The following PSMC3IP variants were observed in gnomAD, a reference collection of about 807,000 sequenced individuals.
PSMC3IP encodes the protein homologous-pairing protein 2 homolog.
A neutral mutation model predicts 34.9 loss-of-function variants in PSMC3IP; 26 were observed. The ratio of observed to expected loss-of-function variants is 0.74; its 90% CI spans 0.55 to 1.03. The LOEUF is 1.03. Among genes scored for constraint, PSMC3IP ranks in the 50% least tolerant of loss-of-function variants. The pLI, the probability that PSMC3IP is intolerant of heterozygous loss-of-function variation, is 0.00. For synonymous variants in PSMC3IP, 87 were observed against 96.5 expected, an observed-to-expected ratio of 0.90 and a Z score of 0.57; for missense variants, 250 against 263.1, an observed-to-expected ratio of 0.95 and a Z score of 0.34.
chr17:42,573,304 C>A lies in PSMC3IP; in HGVS notation c.537+7G>T, dbSNP rs771337740. On this transcript the variant is annotated splice_region_variant and intron_variant, in intron 6 of 7. Transcript: ENST00000393795. ...CAGGGCCTGTCTCGGAGCTCCCACA[C>A]ACTTACCATCCTCTTCCTCTTCCTC... 2 of 1,614,154 alleles carry A rather than the reference C, an allele frequency of 1.2e-6. No homozygotes were observed. Among genetic ancestry groups the A allele is most frequent in the Non-Finnish European group, 1.7e-6 (2 of 1,180,032 alleles).
chr17:42,576,747 T>C, intron 3 of PSMC3IP: 1 of 232,722 alleles, frequency 4.3e-6, no homozygotes, highest in Non-Finnish European at 8.7e-6. Flanking sequence ...GTAATTCCAT[T>C]AGGGGAGGAG....
intron 4 of PSMC3IP, chr17:42,573,841 A>G (rs1222882460): frequency 2.0e-6 from 3 of 1,531,330 alleles, no homozygotes; most frequent in East Asian, 2.4e-5. Context: ...GTAGCCAGTT[A>G]AAGAAGCAGG....
In PSMC3IP at chr17:42,573,503, T is replaced by C; in HGVS notation, c.458A>G (p.His153Arg). ...CTGCTCTTTCTCTTCTGGAGTCACA[T>C]GATTGGTAGCTGCTTTAATGTTCTT... The part of the protein sequence containing the change: ...RLKNIKAATN[H>R]VTPEEKEQVY... Residue 153 changes from histidine (H) to arginine (R), a missense_variant, in exon 5 of 8, where the codon CAT (histidine) becomes CGT (arginine). Transcript: ENST00000393795. The C allele has an allele frequency of 6.2e-7, 1 of 1,614,238 alleles. No homozygotes were observed. The highest frequency in any genetic ancestry group is 8.5e-7 in the Non-Finnish European group (1 of 1,180,036).
chr17:42,574,049 TA>T (rs2093056210), intron 4 of PSMC3IP, 49 bp downstream of exon 4: 1 of 1,609,402 alleles, frequency 6.2e-7, no homozygotes, highest in Non-Finnish European at 8.5e-7. Context: ...TCCTGACCTC[TA>T]GAATGAACCT....
intron 3 of PSMC3IP, 151 bp downstream of exon 3, chr17:42,577,062 A>G: frequency 1.3e-6 from 2 of 1,522,040 alleles, no homozygotes; most frequent in South Asian, 2.4e-5. Context: ...TTGGGATCCT[A>G]ACAAGAGGAG....
chr17:42,574,334 T>C (rs967511357), intron 3 of PSMC3IP, 124 bp from the exon 4 acceptor site: 1 of 1,527,304 alleles, frequency 6.5e-7, no homozygotes, highest in Non-Finnish European at 8.8e-7. Flanking sequence ...CTCCAGAGGG[T>C]CTGCAGAAAT....
At position 42,577,298 on chromosome 17, in the gene PSMC3IP, A is replaced by AC; in HGVS notation, c.139dup (p.Val47GlyfsTer33). On this transcript the variant is annotated frameshift_variant, in exon 3 of 8. Transcript: ENST00000393795. LOFTEE classifies it high-confidence loss of function. The stretch of plus-strand genomic sequence containing the variant: ...CGCCAGCTGCTCCAGCGTCTTCACC[A>AC]CCACCTGGCAGAGGAGAGAGAAGGA... 6.2e-7 allele frequency: 1 copy of AC among 1,613,952 alleles called. No homozygotes were observed. Among genetic ancestry groups the AC allele is most frequent in the Non-Finnish European group, 8.5e-7 (1 of 1,179,952 alleles).
intron 3 of PSMC3IP, among the ~76,000 whole-genome samples, chr17:42,575,853 CAAA>C (rs971478774): frequency 4.0e-5 from 4 of 100,470 alleles, no homozygotes; most frequent in African/African-American, 3.7e-5. Flanking sequence ...CTAAAAATAC[CAAA>C]AAAAAAAAAA....
At position 42,573,553 on chromosome 17, in the gene PSMC3IP, T is replaced by C. The variant is rs1192612281; in HGVS notation, c.408A>G (p.Glu136=). The part of the protein sequence containing the change: ...MQKEIQELKK[E]CAGYRERLKN... ...TCAATCTCTCTCTGTAGCCAGCGCA[T>C]TCCTTCTTTAACTCCTGGATTTCTT... The change falls in exon 5 of 8, where the codon GAA becomes GAG. Residue 136 remains glutamate, a synonymous_variant. Coordinates refer to ENST00000393795, the MANE Select transcript of PSMC3IP (RefSeq NM_016556.4). The C allele has an allele frequency of 1.9e-6, 3 of 1,614,072 alleles. No individual in the cohort carries two copies. In the African/African-American group the frequency reaches 4.0e-5, roughly 22 times the overall value.
At position 42,574,201 on chromosome 17, in the gene PSMC3IP, C is replaced by A; in HGVS notation, c.235G>T (p.Asp79Tyr). 1 of 1,613,960 alleles carries A rather than the reference C, an allele frequency of 6.2e-7. No homozygotes were observed. The highest frequency in any genetic ancestry group is 1.1e-5 in the South Asian group (1 of 91,010). Residue 79 changes from aspartate (D) to tyrosine (Y), a missense_variant, in exon 4 of 8, where the codon GAC becomes TAC. Asp to Tyr is a radical substitution (Grantham distance 160, BLOSUM62 -3). Coordinates refer to ENST00000393795, the MANE Select transcript of PSMC3IP (RefSeq NM_016556.4). ...KIYFADQDQF[D>Y]MVSDADLQVL... ...TGAAGGTCAGCATCACTCACCATGT[C>A]AAACTGGTCCTGCCAGACAAAGAGG...
Position 42,573,455 on chromosome 17 carries a change from G to A in PSMC3IP, c.483+23C>T, listed in dbSNP as rs760454703. ...GATGTTCACTCTGGACCTGCACAGC[G>A]GTCCTACAGCCTTCCAGCTCACCTG... On this transcript the variant is annotated intron_variant, in intron 5 of 7. Transcript: ENST00000393795. The A allele has an allele frequency of 2.0e-5, 33 of 1,614,032 alleles. No homozygotes were observed. In the Middle Eastern group the frequency reaches 3.0e-3, roughly 145 times the overall value.
intron 3 of PSMC3IP, chr17:42,576,915 A>G: frequency 2.3e-6 from 1 of 443,486 alleles, no homozygotes; most frequent in East Asian, 5.6e-5. Flanking sequence ...TGGAGGCAGG[A>G]GGAACATCAT....
intron 3 of PSMC3IP, among the ~76,000 whole-genome samples, chr17:42,576,329 G>A (rs2093075429): frequency 6.6e-6 from 1 of 152,230 alleles, no homozygotes; most frequent in Non-Finnish European, 1.5e-5. Context: ...AGCCATTGAA[G>A]AGTTTTAAAT....
Position 42,572,961 on chromosome 17 carries a change from G to A in PSMC3IP, c.*7C>T, listed in dbSNP as rs1439101185. 2 of 1,613,960 alleles carry A rather than the reference G, an allele frequency of 1.2e-6. No individual in the cohort carries two copies. The highest frequency in any genetic ancestry group is 1.7e-6 in the Non-Finnish European group (2 of 1,179,902). ...TGCAGTCCCCACCAGTCCTGACCGT[G>A]GGCCCCTCAGGGGTCTGGGAGTGTG... On this transcript the variant is annotated 3_prime_UTR_variant, in exon 8 of 8. Transcript: ENST00000393795.
chr17:42,573,945 T>C, intron 4 of PSMC3IP, 154 bp downstream of exon 4: 1 of 1,535,630 alleles, frequency 6.5e-7, no homozygotes, highest in Non-Finnish European at 8.7e-7. Flanking sequence ...AAGCCGTTAG[T>C]TATCCTACAT....
rs561003972 is a variant in PSMC3IP at position 42,577,639 on chromosome 17, C to A, written c.34+14G>T. The A allele has an allele frequency of 2.5e-5, 40 of 1,614,164 alleles. No individual in the cohort carries two copies. In the East Asian group the frequency reaches 8.7e-4, roughly 35 times the overall value. On this transcript the variant is annotated intron_variant, in intron 1 of 7. Transcript: ENST00000393795. ...TGCCCTCCCGGGTCTTCCCCGCGCC[C>A]ACGGCGCCGTTACCTCCCGCCGCAG...
At chr17:42,575,927 G>A (rs1414606145) in intron 3 of PSMC3IP, among the ~76,000 whole-genome samples, 8 of 151,910 alleles carry the variant, frequency 5.3e-5, no homozygotes, top group East Asian at 1.9e-4. Context: ...AGGCTGAGGC[G>A]GGGGAATGGC....
intron 3 of PSMC3IP, chr17:42,574,442 T>C: frequency 7.5e-6 from 9 of 1,193,196 alleles, no homozygotes; most frequent in Non-Finnish European, 9.9e-6. Flanking sequence ...GTCCTTAAGC[T>C]ACTAGGTTGA....
In PSMC3IP at chr17:42,573,993, T is replaced by C; in HGVS notation, c.337+106A>G. The C allele has an allele frequency of 1.9e-6, 3 of 1,555,822 alleles. No homozygotes were observed. In the South Asian group the frequency reaches 3.6e-5, roughly 18 times the overall value. On this transcript the variant is annotated intron_variant, in intron 4 of 7. Coordinates refer to ENST00000393795, the MANE Select transcript of PSMC3IP (RefSeq NM_016556.4). Reference sequence around the variant, plus strand: ...CTAAGGGAGCCCAGCAAAGGGGTCTTAGCTGCAACAAGATGCTGCAGTCAT... The same window carrying C: ...CTAAGGGAGCCCAGCAAAGGGGTCTCAGCTGCAACAAGATGCTGCAGTCAT...
Sources: gnomAD v4.1 joint callset for allele counts (sites outside exome capture counted in the v4.1 genomes callset) on GRCh38, gnomAD v4.1.1 for gene constraint, MANE v1.5 for transcripts, NCBI Gene and HGNC (gene_info 2026-07-23, HGNC 2026-07-21) for gene names.